The following C8B variants were observed in gnomAD, a reference collection of about 807,000 sequenced individuals.
The protein encoded by C8B is complement component C8 beta chain.
C8B carries 67 observed loss-of-function variants against 64.6 expected under a neutral mutation model. The observed-to-expected ratio is 1.04, with a 90% CI of 0.85 to 1.27. C8B has a LOEUF of 1.27. Among genes scored for constraint, C8B ranks in the 50% most tolerant of loss-of-function variants. The probability of loss-of-function intolerance (pLI) is 0.00; values close to 1 mark genes in which losing one functional copy is unlikely to be tolerated. For missense variants in C8B, 790 were observed against 725.2 expected (o/e 1.09, Z -1.03); for synonymous variants, 284 against 257.7 (o/e 1.10, Z -0.98).
rs2101343512 is a variant in C8B at position 56,929,482 on chromosome 1, C to A, written c.1698G>T (p.Arg566Ser). 1.2e-6 allele frequency: 2 copies of A among 1,613,542 alleles called. No homozygotes were observed. Among genetic ancestry groups the A allele is most frequent in the East Asian group, 2.2e-5 (1 of 44,866 alleles). Residue 566 changes from arginine (R) to serine (S), a missense_variant, in exon 12 of 12, where the codon AGG (arginine) becomes AGT (serine). Arg to Ser is a moderately radical substitution (Grantham distance 110). Transcript: ENST00000371237. ...SCSGRRKTRQ[R>S]QCNNPPPQNG... ...TTTGAGGAGGTGGATTGTTACACTG[C>A]CTTTGTCTTGTCTTACGTCTTCCAG...
intron 7 of C8B, among the ~76,000 whole-genome samples, chr1:56,945,607 G>A (rs1644929190): frequency 6.6e-6 from 1 of 152,166 alleles, no homozygotes; most frequent in Non-Finnish European, 1.5e-5. Context: ...CATGGGATTG[G>A]ATACAATTGC....
In C8B at chr1:56,941,032, A is replaced by G. The variant is rs778164032; in HGVS notation, c.1235-20T>C. On this transcript the variant is annotated intron_variant, in intron 8 of 11. Transcript: ENST00000371237. ...TTCTGTCTGGAATGGACACAGAGCT[A>G]GCAGGTCACAGAAGATATCCCTTTG... 6.2e-7 allele frequency: 1 copy of G among 1,613,428 alleles called. No individual in the cohort carries two copies. Among genetic ancestry groups the G allele is most frequent in the Non-Finnish European group, 8.5e-7 (1 of 1,179,768 alleles).
chr1:56,944,560 C>G (rs1644914073), intron 7 of C8B, among the ~76,000 whole-genome samples: 1 of 152,204 alleles, frequency 6.6e-6, no homozygotes, highest in African/African-American at 2.4e-5. Context: ...AGAAAAGGAA[C>G]TTCTGTGGTC....
intron 4 of C8B, among the ~76,000 whole-genome samples, chr1:56,953,451 T>C (rs1557739462): frequency 6.6e-6 from 1 of 152,244 alleles, no homozygotes; most frequent in Non-Finnish European, 1.5e-5. Flanking sequence ...ATTAGGAGGT[T>C]AGTATTACTA....
intron 9 of C8B, among the ~76,000 whole-genome samples, chr1:56,938,891 G>A (rs1187626499): frequency 1.3e-5 from 2 of 150,080 alleles, no homozygotes; most frequent in Non-Finnish European, 1.5e-5. Context: ...CCTCTTGCCA[G>A]AAAAAAAAAA....
intron 8 of C8B, among the ~76,000 whole-genome samples, chr1:56,943,109 A>T (rs893704813): frequency 7.2e-5 from 11 of 151,838 alleles, no homozygotes; most frequent in African/African-American, 1.7e-4. Flanking sequence ...AATAAATAAA[A>T]AAAAGCTGGG....
At chr1:56,931,969 G>A (rs115631390) in intron 10 of C8B, 91 bp from the exon 11 acceptor site, 2 of 881,094 alleles carry the variant, frequency 2.3e-6, no homozygotes, top group African/African-American at 3.3e-5. Context: ...AGTTCCATCA[G>A]GTTAAAACAG....
At position 56,931,851 on chromosome 1, in the gene C8B, A is replaced by G; in HGVS notation, c.1580T>C (p.Val527Ala). Residue 527 changes from valine to alanine, a missense_variant, in exon 11 of 12, where the codon GTT becomes GCT. Transcript: ENST00000371237. The stretch of plus-strand genomic sequence containing the variant: ...CTCACAGGCTAGGCCTTGGGATCCA[A>G]CAGGACAGATGCAGTCACAGCGTGA... Reference protein sequence around the residue: ...KGSRCDCICPVGSQGLACEVS... With the variant: ...KGSRCDCICPAGSQGLACEVS... 6.2e-7 allele frequency: 1 copy of G among 1,612,556 alleles called. No homozygotes were observed. Among genetic ancestry groups the G allele is most frequent in the East Asian group, 2.2e-5 (1 of 44,844 alleles).
intron 11 of C8B, among the ~76,000 whole-genome samples, chr1:56,930,488 T>C (rs1644684136): frequency 6.6e-6 from 1 of 152,176 alleles, no homozygotes; most frequent in South Asian, 2.1e-4. Context: ...CCTGTGGTTG[T>C]GTGACTGCAG....
intron 9 of C8B, among the ~76,000 whole-genome samples, chr1:56,940,028 G>A (rs1005942477): frequency 1.3e-5 from 2 of 152,188 alleles, no homozygotes; most frequent in South Asian, 4.1e-4. Context: ...GTGTGTGTGT[G>A]TGTGTATCTT....
rs1570385670 is a variant in C8B at position 56,943,829 on chromosome 1, A to G, written c.1106-5T>C. On this transcript the variant is annotated splice_region_variant and splice_polypyrimidine_tract_variant and intron_variant, in intron 7 of 11. Transcript: ENST00000371237. ...GGACGTTGTTAAGAGTATAATCTGA[A>G]GAAAACAAGGAAAAAGGTCCATGAC... The G allele has an allele frequency of 6.2e-7, 1 of 1,613,976 alleles. No individual in the cohort carries two copies. The highest frequency in any genetic ancestry group is 8.5e-7 in the Non-Finnish European group (1 of 1,179,922).
chr1:56,949,708 G>A lies in C8B; in HGVS notation c.711C>T (p.Tyr237=), dbSNP rs373873340. The part of the protein sequence containing the change: ...YEFILKEYES[Y]SDFERNVTEK... ...CTGTGACATTGCGTTCAAAATCTGA[G>A]TATGATTCATACTCTTTTAATATGA... is the stretch of plus-strand genomic sequence containing the variant. Residue 237 remains tyrosine (Y), a synonymous_variant, in exon 6 of 12, where the codon TAC becomes TAT. Transcript: ENST00000371237. The A allele has an allele frequency of 6.2e-7, 1 of 1,613,852 alleles. No individual in the cohort carries two copies. The highest frequency in any genetic ancestry group is 1.3e-5 in the African/African-American group (1 of 75,020).
At chr1:56,956,931 G>C (rs1216616672) in intron 2 of C8B, 21 bp from the exon 3 acceptor site, 1 of 1,613,832 alleles carries the variant, frequency 6.2e-7, no homozygotes, top group Non-Finnish European at 8.5e-7. Flanking sequence ...GAGGAGCCAG[G>C]TGAACCAAGG....
intron 1 of C8B, chr1:56,964,058 G>C (rs575728489): frequency 3.1e-6 from 3 of 974,186 alleles, no homozygotes; most frequent in Non-Finnish European, 3.7e-6. Context: ...CCAGATTCAG[G>C]TAAGGGTTTG....
intron 2 of C8B, 113 bp downstream of exon 2, chr1:56,959,907 G>T (rs551405021): frequency 8.6e-7 from 1 of 1,168,646 alleles, no homozygotes; most frequent in Middle Eastern, 2.5e-4. Context: ...TAAGTTAGCC[G>T]ACATTTATTG....
intron 4 of C8B, among the ~76,000 whole-genome samples, chr1:56,953,186 C>G (rs1001158809): frequency 5.9e-5 from 9 of 152,160 alleles, no homozygotes; most frequent in Non-Finnish European, 1.2e-4. Context: ...AGCTTCCATT[C>G]TTGACCATCT....
At chr1:56,935,395 C>T (rs1354883940) in intron 9 of C8B, among the ~76,000 whole-genome samples, 2 of 151,968 alleles carry the variant, frequency 1.3e-5, no homozygotes, top group African/African-American at 4.8e-5. Context: ...TTTTGTCCTC[C>T]TTTTCTCTTT....
At chr1:56,952,718 C>A (rs1645040782) in intron 4 of C8B, among the ~76,000 whole-genome samples, 1 of 152,214 alleles carries the variant, frequency 6.6e-6, no homozygotes, top group South Asian at 2.1e-4. Flanking sequence ...CTGCCCCTTA[C>A]TGCCCAGGTG....
At chr1:56,955,274 T>C (rs1346360474) in intron 3 of C8B, among the ~76,000 whole-genome samples, 2 of 152,222 alleles carry the variant, frequency 1.3e-5, no homozygotes, top group African/African-American at 4.8e-5. Flanking sequence ...GCTGTGTAAG[T>C]GTTATCAGTA....
Sources: gnomAD v4.1 joint callset for allele counts (sites outside exome capture counted in the v4.1 genomes callset) on GRCh38, gnomAD v4.1.1 for gene constraint, MANE v1.5 for transcripts, NCBI Gene and HGNC (gene_info 2026-07-23, HGNC 2026-07-21) for gene names.